The following ADK variants were observed in gnomAD, a reference collection of about 807,000 sequenced individuals.
ADK encodes adenosine kinase.
A neutral mutation model predicts 44.7 loss-of-function variants in ADK; 24 were observed. The observed-to-expected ratio is 0.54, with a 90% CI of 0.39 to 0.76. The LOEUF (loss-of-function observed/expected upper bound fraction) is 0.76. Among genes scored for constraint, ADK ranks in the 30% least tolerant of loss-of-function variants. The pLI is 0.00. For synonymous variants in ADK, 128 were observed against 142.6 expected, an observed-to-expected ratio of 0.90 and a Z score of 0.73; for missense variants, 321 against 425.1, an observed-to-expected ratio of 0.76 and a Z score of 2.15.
intron 3 of ADK, among the ~76,000 whole-genome samples, chr10:74,266,902 A>G (rs755187465): frequency 7.2e-5 from 11 of 152,238 alleles, no homozygotes; most frequent in African/African-American, 1.2e-4. Context: ...TCCTAGGTCA[A>G]TGTACAATTC....
At chr10:74,582,706 T>C (rs1175180550) in intron 7 of ADK, among the ~76,000 whole-genome samples, 1 of 152,162 alleles carries the variant, frequency 6.6e-6, no homozygotes, top group Non-Finnish European at 1.5e-5. Context: ...TAATTTTTAT[T>C]ATAAACCTAT....
chr10:74,590,322 T>C (rs1454836003), intron 8 of ADK, among the ~76,000 whole-genome samples: 1 of 152,206 alleles, frequency 6.6e-6, no homozygotes, highest in Non-Finnish European at 1.5e-5. Flanking sequence ...TGAGTGGTGA[T>C]TGAATAGTAT....
chr10:74,172,904 C>T (rs913533793), intron 1 of ADK, among the ~76,000 whole-genome samples: 1 of 109,476 alleles, frequency 9.1e-6, no homozygotes, highest in African/African-American at 3.5e-5. Context: ...GACTCCATGT[C>T]AAAAAAAAAA....
At chr10:74,511,476 T>G (rs1213601059) in intron 6 of ADK, among the ~76,000 whole-genome samples, 1 of 152,254 alleles carries the variant, frequency 6.6e-6, no homozygotes, top group African/African-American at 2.4e-5. Flanking sequence ...TCAATTTCTT[T>G]CATCAGTGTT....
intron 1 of ADK, among the ~76,000 whole-genome samples, chr10:74,197,912 A>C (rs1843219674): frequency 6.6e-6 from 1 of 152,146 alleles, no homozygotes; most frequent in Non-Finnish European, 1.5e-5. Context: ...ATTCCTTAAA[A>C]CTGAGAGGGG....
chr10:74,261,799 C>T (rs1213882488), intron 3 of ADK, among the ~76,000 whole-genome samples: 4 of 150,540 alleles, frequency 2.7e-5, no homozygotes, highest in South Asian at 2.1e-4. Context: ...CTCTTTCCTC[C>T]TGGTATTCTG....
At chr10:74,167,541 G>A (rs1434190797) in intron 1 of ADK, among the ~76,000 whole-genome samples, 3 of 152,092 alleles carry the variant, frequency 2.0e-5, no homozygotes, top group African/African-American at 7.2e-5. Context: ...GTAACTGGAG[G>A]CTTGGCTCAA....
At chr10:74,333,850 C>T (rs1271266345) in intron 4 of ADK, among the ~76,000 whole-genome samples, 6 of 151,918 alleles carry the variant, frequency 3.9e-5, no homozygotes, top group Admixed American at 2.0e-4. Flanking sequence ...TGAAAGTAGA[C>T]GTATGCAGAA....
chr10:74,398,400 T>TG, intron 5 of ADK, 71 bp from the exon 6 acceptor site: 1 of 955,670 alleles, frequency 1.0e-6, no homozygotes, highest in East Asian at 2.6e-5. Flanking sequence ...CAAAAAATAT[T>TG]GGTAATTATC....
At chr10:74,433,162 A>T (rs1406407313) in intron 6 of ADK, among the ~76,000 whole-genome samples, 7 of 152,248 alleles carry the variant, frequency 4.6e-5, no homozygotes, top group African/African-American at 1.7e-4. Context: ...TACTGCAAAC[A>T]GTGTATCAGA....
chr10:74,625,284 T>A (rs963255079), intron 9 of ADK, among the ~76,000 whole-genome samples: 2 of 152,274 alleles, frequency 1.3e-5, no homozygotes, highest in Non-Finnish European at 2.9e-5. Flanking sequence ...AAGTTGAGAT[T>A]ACAAAGGTAT....
At chr10:74,593,123 G>A (rs1050477268) in intron 8 of ADK, among the ~76,000 whole-genome samples, 2 of 152,116 alleles carry the variant, frequency 1.3e-5, no homozygotes, top group Non-Finnish European at 2.9e-5. Flanking sequence ...ATAGTGCAAT[G>A]AATGATCACT....
chr10:74,210,648 AAG>A (rs1218094748), intron 2 of ADK, among the ~76,000 whole-genome samples: 2 of 152,188 alleles, frequency 1.3e-5, no homozygotes, highest in African/African-American at 4.8e-5. Context: ...AAATTAAAAA[AAG>A]GAAAATGCTC....
intron 8 of ADK, among the ~76,000 whole-genome samples, chr10:74,597,335 A>G (rs181724683): frequency 1.3e-5 from 2 of 152,322 alleles, no homozygotes; most frequent in East Asian, 3.9e-4. Context: ...TTACCCTAAT[A>G]TTAACATCTT....
chr10:74,582,055 A>G (rs1851389980), intron 7 of ADK, among the ~76,000 whole-genome samples: 1 of 152,172 alleles, frequency 6.6e-6, no homozygotes, highest in African/African-American at 2.4e-5. Context: ...GATAGAAAGG[A>G]AAAGAACTGA....
chr10:74,223,625 G>A (rs2132241077), intron 2 of ADK, among the ~76,000 whole-genome samples: 1 of 152,082 alleles, frequency 6.6e-6, no homozygotes, highest in South Asian at 2.1e-4. Context: ...CTATTTCTGT[G>A]TACCCTTCAG....
At chr10:74,154,868 T>C (rs1178340215) in intron 1 of ADK, among the ~76,000 whole-genome samples, 2 of 152,224 alleles carry the variant, frequency 1.3e-5, no homozygotes, top group Non-Finnish European at 1.5e-5. Flanking sequence ...AGCAGTCTCT[T>C]TACCTTCAGC....
intron 9 of ADK, among the ~76,000 whole-genome samples, chr10:74,608,265 GTTCCC>G (rs1261708176): frequency 6.6e-6 from 1 of 151,870 alleles, no homozygotes; most frequent in Non-Finnish European, 1.5e-5. Context: ...GTGCAGTTTT[GTTCCC>G]TTGCTGGTGA....
At chr10:74,687,572 CATT>C (rs1214845188) in intron 10 of ADK, among the ~76,000 whole-genome samples, 9 of 152,202 alleles carry the variant, frequency 5.9e-5, no homozygotes, top group Admixed American at 3.3e-4. Context: ...GCTCTATAAA[CATT>C]GTGTTTGCAT....
Sources: gnomAD v4.1 joint callset for allele counts (sites outside exome capture counted in the v4.1 genomes callset) on GRCh38, gnomAD v4.1.1 for gene constraint, MANE v1.5 for transcripts, NCBI Gene and HGNC (gene_info 2026-07-23, HGNC 2026-07-21) for gene names.